The following PRKCA variants were observed in gnomAD, a reference collection of about 807,000 sequenced individuals.
PRKCA encodes the protein protein kinase C alpha.
Under a neutral mutation model 87.0 loss-of-function variants are expected in PRKCA, and 27 were observed. The ratio of observed to expected loss-of-function variants is 0.31; its 90% CI spans 0.23 to 0.43. The LOEUF (loss-of-function observed/expected upper bound fraction) is 0.43. PRKCA is among the 20% of genes least tolerant of loss of function. The probability of loss-of-function intolerance (pLI) is 1.00; values close to 1 mark genes in which losing one functional copy is unlikely to be tolerated. For missense variants in PRKCA, 518 were observed against 852.3 expected (o/e 0.61, Z 4.88); for synonymous variants, 329 against 311.1 (o/e 1.06, Z -0.61).
At chr17:66,351,005 C>A (rs1292170145) in intron 2 of PRKCA, among the ~76,000 whole-genome samples, 1 of 152,196 alleles carries the variant, frequency 6.6e-6, no homozygotes, top group Non-Finnish European at 1.5e-5. Context: ...GACTGCAGTA[C>A]AATGTAATTG....
rs552111808 is a variant in PRKCA, at chr17:66,651,850, T to TTTG, written c.529+6354_529+6356dup. Among the ~76,000 whole-genome samples the TTTG allele has an allele frequency of 5.3e-3, 807 of 152,300 alleles. 3 individuals carry two copies. The highest frequency in any genetic ancestry group is 8.8e-3 in the Non-Finnish European group (598 of 68,022). On this transcript the variant is annotated intron_variant, in intron 5 of 16. Coordinates refer to ENST00000413366, the MANE Select transcript of PRKCA (RefSeq NM_002737.3). ...AGATCCCTCCAACTGCAAAGGTATTTTTGTTGTTGTTGTTGTTTGTAATTA... is the reference window on the plus strand; with the variant it reads ...AGATCCCTCCAACTGCAAAGGTATTTTTGTTGTTGTTGTTGTTGTTTGTAATTA...
At chr17:66,716,559 G>T (rs1973479210) in intron 8 of PRKCA, among the ~76,000 whole-genome samples, 1 of 152,072 alleles carries the variant, frequency 6.6e-6, no homozygotes, top group Non-Finnish European at 1.5e-5. Flanking sequence ...GCGGTACAAG[G>T]GCAAACCGCC....
At chr17:66,452,044 G>A (rs1333303180) in intron 2 of PRKCA, among the ~76,000 whole-genome samples, 2 of 152,210 alleles carry the variant, frequency 1.3e-5, no homozygotes, top group African/African-American at 4.8e-5. Context: ...TCATTTTGCA[G>A]TGTGCGTCCC....
chr17:66,793,137 C>T (rs1975579538), intron 16 of PRKCA, among the ~76,000 whole-genome samples: 1 of 152,188 alleles, frequency 6.6e-6, no homozygotes, highest in East Asian at 1.9e-4. Flanking sequence ...GAGCTGGTTT[C>T]GGGGATCTCT....
chr17:66,646,146 C>G (rs756874514), intron 5 of PRKCA, among the ~76,000 whole-genome samples: 1 of 152,164 alleles, frequency 6.6e-6, no homozygotes, highest in Non-Finnish European at 1.5e-5. Flanking sequence ...GCATTTGACT[C>G]CAGATACTGT....
At chr17:66,695,432 T>G (rs192059150) in intron 8 of PRKCA, among the ~76,000 whole-genome samples, 113 of 152,378 alleles carry the variant, frequency 7.4e-4, no homozygotes, top group African/African-American at 2.5e-3. Flanking sequence ...CGAACTCATT[T>G]CTACCTGTAG....
chr17:66,645,773 A>G (rs1192499665), intron 5 of PRKCA, among the ~76,000 whole-genome samples: 1 of 152,162 alleles, frequency 6.6e-6, no homozygotes, highest in African/African-American at 2.4e-5. Flanking sequence ...GGATTGGGCT[A>G]TTCTGACAGC....
intron 2 of PRKCA, among the ~76,000 whole-genome samples, chr17:66,406,697 C>T (rs957826262): frequency 7.7e-5 from 11 of 143,224 alleles, no homozygotes; most frequent in African/African-American, 1.5e-4. Flanking sequence ...AGAATGCATT[C>T]GATCAGTTGG....
intron 3 of PRKCA, among the ~76,000 whole-genome samples, chr17:66,611,372 C>G (rs1034175623): frequency 7.2e-5 from 11 of 152,180 alleles, no homozygotes; most frequent in Non-Finnish European, 1.5e-4. Flanking sequence ...CGACCCTTGG[C>G]AACCACTAAT....
chr17:66,742,765 G>C lies in PRKCA; in HGVS notation c.1524+5G>C. On this transcript the variant is annotated splice_donor_5th_base_variant and intron_variant, in intron 13 of 16. Coordinates refer to ENST00000413366, the MANE Select transcript of PRKCA (RefSeq NM_002737.3). ...CCAGATTATATCGCCCCAGAGGTAG[G>C]AACCCCAGTGATCGTTTTCTCAACC... The C allele has an allele frequency of 1.2e-6, 2 of 1,612,814 alleles. No homozygotes were observed. Among genetic ancestry groups the C allele is most frequent in the South Asian group, 2.2e-5 (2 of 90,958 alleles).
intron 2 of PRKCA, among the ~76,000 whole-genome samples, chr17:66,399,083 T>TTCTTG: frequency 9.0e-6 from 1 of 111,472 alleles, no homozygotes; most frequent in Admixed American, 9.9e-5. Context: ...AGACAGCATT[T>TTCTTG]TCTTTTCTTT....
intron 3 of PRKCA, among the ~76,000 whole-genome samples, chr17:66,587,756 TATACATATATAC>T (rs1969649903): frequency 1.2e-5 from 1 of 86,066 alleles, no homozygotes; most frequent in Non-Finnish European, 2.5e-5. Flanking sequence ...TGTGTATATG[TATACATATATAC>T]GTATATGTGT....
chr17:66,691,422 A>G (rs1388998969), intron 8 of PRKCA, among the ~76,000 whole-genome samples: 1 of 152,232 alleles, frequency 6.6e-6, no homozygotes, highest in East Asian at 1.9e-4. Flanking sequence ...GAGGAATTCA[A>G]GTACAAAGAT....
chr17:66,554,572 C>T (rs1968439646), intron 3 of PRKCA: 3 of 939,618 alleles, frequency 3.2e-6, no homozygotes, highest in Non-Finnish European at 3.8e-6. Flanking sequence ...CCTACTCACT[C>T]TCCGAAGGTA....
rs1335683300 is a variant in PRKCA at position 66,663,209 on chromosome 17, T to C, written c.529+17698T>C. ...GCTCCTCTCCAGCCTCAAAGGTTCA[T>C]GCGCCTTGTCCCTCAGATAAAGGTG... On this transcript the variant is annotated intron_variant, in intron 5 of 16. Transcript: ENST00000413366. Among the ~76,000 whole-genome samples the C allele has an allele frequency of 2.0e-5, 3 of 152,236 alleles. No homozygotes were observed. The East Asian group carries it at 5.8e-4, about 29-fold the overall frequency.
intron 3 of PRKCA, among the ~76,000 whole-genome samples, chr17:66,512,455 A>G (rs1917275784): frequency 9.2e-6 from 1 of 108,942 alleles, no homozygotes; most frequent in Non-Finnish European, 1.9e-5. Context: ...AACAACAAAA[A>G]AAGTGTGTGT....
At chr17:66,372,996 T>C in intron 2 of PRKCA, among the ~76,000 whole-genome samples, 1 of 151,814 alleles carries the variant, frequency 6.6e-6, no homozygotes. Context: ...GAGGTGGAGG[T>C]TGCAGTGAGT....
intron 2 of PRKCA, among the ~76,000 whole-genome samples, chr17:66,433,432 C>G (rs145411232): frequency 1.4e-3 from 212 of 152,356 alleles, no homozygotes; most frequent in Non-Finnish European, 2.6e-3. Flanking sequence ...GCTCTCCTTT[C>G]TCTGAAACAC....
At chr17:66,412,008 T>A (rs1054958390) in intron 2 of PRKCA, among the ~76,000 whole-genome samples, 2 of 152,026 alleles carry the variant, frequency 1.3e-5, no homozygotes, top group Non-Finnish European at 2.9e-5. Flanking sequence ...AATCTTTTTT[T>A]TTTTTTTTTG....
Sources: allele counts gnomAD v4.1 joint callset (sites outside exome capture counted in the v4.1 genomes callset), GRCh38; gene constraint gnomAD v4.1.1; transcripts MANE v1.5; gene names NCBI Gene and HGNC (gene_info 2026-07-23, HGNC 2026-07-21).